The following SMIM31 variants were observed in gnomAD, a reference collection of about 807,000 sequenced individuals.
SMIM31 encodes human epithelial cell program regulator.
intron 1 of SMIM31, among the ~76,000 whole-genome samples, chr4:164,758,019 C>T (rs1732589262): frequency 6.6e-6 from 1 of 152,068 alleles, no homozygotes; most frequent in African/African-American, 2.4e-5. Context: ...TTGAGTCTTC[C>T]AATCCATAAA....
intron 1 of SMIM31, among the ~76,000 whole-genome samples, chr4:164,766,474 A>T (rs2110927088): frequency 6.6e-6 from 1 of 152,208 alleles, no homozygotes; most frequent in Non-Finnish European, 1.5e-5. Flanking sequence ...GCTTTCATAG[A>T]ACTTTAATGG....
intron 2 of SMIM31, among the ~76,000 whole-genome samples, chr4:164,790,749 T>C (rs1025032668): frequency 6.6e-6 from 1 of 152,238 alleles, no homozygotes; most frequent in Non-Finnish European, 1.5e-5. Context: ...TATTCACCTG[T>C]TGATCTAGTT....
intron 2 of SMIM31, among the ~76,000 whole-genome samples, chr4:164,772,642 G>C (rs1398090955): frequency 2.0e-5 from 3 of 149,372 alleles, no homozygotes; most frequent in East Asian, 2.0e-4. Flanking sequence ...GCAGTGGCGC[G>C]ATCTCGACTC....
chr4:164,767,672 A>G (rs1732737104), intron 1 of SMIM31, among the ~76,000 whole-genome samples: 2 of 152,196 alleles, frequency 1.3e-5, no homozygotes, highest in South Asian at 4.1e-4. Flanking sequence ...GCATTTAGAA[A>G]ATAACTCTTG....
At chr4:164,783,130 A>G (rs1465815922) in intron 2 of SMIM31, among the ~76,000 whole-genome samples, 1 of 147,594 alleles carries the variant, frequency 6.8e-6, no homozygotes, top group East Asian at 2.1e-4. Flanking sequence ...AGGCAGGAGA[A>G]TTGCTTGAAC....
intron 1 of SMIM31, among the ~76,000 whole-genome samples, chr4:164,757,532 A>G (rs773490495): frequency 1.7e-4 from 26 of 151,186 alleles, no homozygotes; most frequent in Admixed American, 5.3e-4. Flanking sequence ...TTTTTTTTTT[A>G]GAAGTCTTAC....
intron 1 of SMIM31, among the ~76,000 whole-genome samples, chr4:164,766,400 A>C (rs1732721081): frequency 6.6e-6 from 1 of 152,160 alleles, no homozygotes; most frequent in Non-Finnish European, 1.5e-5. Context: ...TACTTATGGG[A>C]AAATGTACTA....
At chr4:164,779,025 A>G (rs1732913311) in intron 2 of SMIM31, among the ~76,000 whole-genome samples, 2 of 152,036 alleles carry the variant, frequency 1.3e-5, no homozygotes, top group African/African-American at 4.8e-5. Flanking sequence ...CGCATCAGCT[A>G]CATCTTTTTC....
chr4:164,782,975 G>A (rs145884920), intron 2 of SMIM31, among the ~76,000 whole-genome samples: 4,025 of 150,722 alleles, frequency 0.027, 96 homozygotes, highest in Non-Finnish European at 0.038. Context: ...ATCCCAGCAC[G>A]TTGGGTGGCC....
chr4:164,768,108 G>A (rs534874105), intron 1 of SMIM31, among the ~76,000 whole-genome samples: 1 of 152,014 alleles, frequency 6.6e-6, no homozygotes, highest in South Asian at 2.1e-4. Context: ...AACAGTGCAT[G>A]CCTGTAGCCC....
In SMIM31 at chr4:164,782,875, A is replaced by T. The variant is rs79746695; in HGVS notation, c.112+12320A>T. Among the ~76,000 whole-genome samples the T allele has an allele frequency of 7.9e-3, 1,206 of 152,248 alleles. 20 individuals carry two copies. Among genetic ancestry groups the T allele is most frequent in the East Asian group, 0.063 (326 of 5,174 alleles). ...TTATAATAGTTTACTTACAGTAATT[A>T]TTTCAAAAAACTGAATTTATTGGAT... On this transcript the variant is annotated intron_variant, in intron 2 of 2. Coordinates refer to ENST00000507311, the MANE Select transcript of SMIM31 (RefSeq NM_001352885.1).
intron 2 of SMIM31, among the ~76,000 whole-genome samples, chr4:164,776,201 A>G (rs1384708002): frequency 6.6e-6 from 1 of 151,876 alleles, no homozygotes; most frequent in African/African-American, 2.4e-5. Context: ...CCCAAAATGA[A>G]CTCCCTCTCT....
chr4:164,797,760 G>A (rs1352375359), intron 2 of SMIM31, among the ~76,000 whole-genome samples: 3 of 152,106 alleles, frequency 2.0e-5, no homozygotes, highest in Non-Finnish European at 4.4e-5. Context: ...ACCGCGCCTG[G>A]CCTAAAGTGC....
At position 164,801,464 on chromosome 4, in the gene SMIM31, A is replaced by G. The variant is rs374971510; in HGVS notation, c.*270A>G. The G allele has an allele frequency of 1.1e-5, 3 of 268,166 alleles. No homozygotes were observed. The highest frequency in any genetic ancestry group is 2.1e-5 in the Non-Finnish European group (3 of 144,420). The allele number at this position is 268,166 out of a possible 1,614,324, so 16.6% of individuals were successfully genotyped here. On this transcript the variant is annotated 3_prime_UTR_variant, in exon 3 of 3. Coordinates refer to ENST00000507311, the MANE Select transcript of SMIM31 (RefSeq NM_001352885.1). ...AAAAAAAAAGACCAAAGTGGTTACA[A>G]TAATAAAATAGAACACAGAGAAAGA...
At chr4:164,787,907 T>C (rs1032047225) in intron 2 of SMIM31, among the ~76,000 whole-genome samples, 4 of 152,178 alleles carry the variant, frequency 2.6e-5, no homozygotes, top group African/African-American at 9.7e-5. Flanking sequence ...AATCTACTTA[T>C]ATATAGATGT....
chr4:164,793,269 T>C (rs532134832), intron 2 of SMIM31, among the ~76,000 whole-genome samples: 149 of 152,306 alleles, frequency 9.8e-4, no homozygotes, highest in African/African-American at 3.5e-3. Context: ...AGGCTCACTA[T>C]CTGGGTGACG....
intron 2 of SMIM31, among the ~76,000 whole-genome samples, chr4:164,773,411 A>G (rs1246964484): frequency 6.6e-6 from 1 of 152,222 alleles, no homozygotes; most frequent in Non-Finnish European, 1.5e-5. Context: ...TAATTGACTC[A>G]CAGTTCAGCA....
chr4:164,774,620 A>G (rs912462814), intron 2 of SMIM31, among the ~76,000 whole-genome samples: 1 of 152,190 alleles, frequency 6.6e-6, no homozygotes, highest in Non-Finnish European at 1.5e-5. Context: ...CTATGATGCA[A>G]ATGTGTCAGA....
At chr4:164,788,633 G>A (rs529158133) in intron 2 of SMIM31, among the ~76,000 whole-genome samples, 1 of 150,998 alleles carries the variant, frequency 6.6e-6, no homozygotes, top group South Asian at 2.1e-4. Flanking sequence ...GGGATTACAG[G>A]CATGCACCAC....
Sources: gnomAD v4.1 joint callset for allele counts (sites outside exome capture counted in the v4.1 genomes callset) on GRCh38, gnomAD v4.1.1 for gene constraint, MANE v1.5 for transcripts, NCBI Gene and HGNC (gene_info 2026-07-23, HGNC 2026-07-21) for gene names.